Variants in SEMA5A observed in about 807,000 individuals in gnomAD.
SEMA5A encodes the protein semaphorin 5A.
SEMA5A carries 55 observed loss-of-function variants against 135.5 expected under a neutral mutation model. The ratio of observed to expected loss-of-function variants is 0.41; its 90% CI spans 0.33 to 0.51. The LOEUF (loss-of-function observed/expected upper bound fraction) is 0.51. SEMA5A is among the 20% of genes least tolerant of loss of function. The pLI is 0.37. For synonymous variants in SEMA5A, 580 were observed against 546.5 expected, an observed-to-expected ratio of 1.06 and a Z score of -0.85; for missense variants, 1,290 against 1,419.9, an observed-to-expected ratio of 0.91 and a Z score of 1.47.
intron 3 of SEMA5A, among the ~76,000 whole-genome samples, chr5:9,372,521 T>G (rs1371954918): frequency 6.6e-6 from 1 of 151,476 alleles, no homozygotes; most frequent in Non-Finnish European, 1.5e-5. Flanking sequence ...GGATGGGATA[T>G]GCATGGATAC....
intron 1 of SEMA5A, among the ~76,000 whole-genome samples, chr5:9,494,216 T>A (rs1286145382): frequency 6.6e-6 from 1 of 152,174 alleles, no homozygotes; most frequent in Non-Finnish European, 1.5e-5. Flanking sequence ...AAGGTGCCTA[T>A]CTCTGGGGGC....
chr5:9,070,646 C>G (rs1266216076), intron 16 of SEMA5A, among the ~76,000 whole-genome samples: 1 of 152,032 alleles, frequency 6.6e-6, no homozygotes, highest in African/African-American at 2.4e-5. Context: ...TGTGTTGGTC[C>G]CAGAGGTGGG....
At chr5:9,302,448 T>G (rs958689658) in intron 5 of SEMA5A, among the ~76,000 whole-genome samples, 2 of 152,192 alleles carry the variant, frequency 1.3e-5, no homozygotes, top group African/African-American at 4.8e-5. Context: ...AGCCATCACA[T>G]AAGCCAAACT....
At chr5:9,266,253 C>T (rs1749679068) in intron 5 of SEMA5A, among the ~76,000 whole-genome samples, 1 of 152,112 alleles carries the variant, frequency 6.6e-6, no homozygotes, top group Non-Finnish European at 1.5e-5. Flanking sequence ...ACACAAGATG[C>T]CAGAGTTATC....
At chr5:9,207,129 T>TATATATATATATATAC (rs1361697233) in intron 8 of SEMA5A, among the ~76,000 whole-genome samples, 3 of 132,666 alleles carry the variant, frequency 2.3e-5, no homozygotes, top group Admixed American at 1.5e-4. Context: ...TATATATATA[T>TATATATATATATATAC]ATATAAAGCT....
chr5:9,431,841 C>T (rs544224749), intron 2 of SEMA5A, among the ~76,000 whole-genome samples: 2 of 152,298 alleles, frequency 1.3e-5, no homozygotes, highest in Admixed American at 6.5e-5. Context: ...AAACAGCACA[C>T]GTCAATCCCT....
chr5:9,357,367 A>G (rs1172208851), intron 3 of SEMA5A, among the ~76,000 whole-genome samples: 4 of 152,232 alleles, frequency 2.6e-5, no homozygotes, highest in African/African-American at 4.8e-5. Flanking sequence ...GAGGAAGAAA[A>G]GTCAAGCTAA....
At chr5:9,258,398 G>A (rs770916171) in intron 5 of SEMA5A, among the ~76,000 whole-genome samples, 5 of 152,182 alleles carry the variant, frequency 3.3e-5, no homozygotes, top group South Asian at 2.1e-4. Context: ...CCAACCAGGC[G>A]TGCTGTCTTT....
intron 13 of SEMA5A, among the ~76,000 whole-genome samples, chr5:9,135,043 A>G (rs946410309): frequency 5.3e-5 from 8 of 152,138 alleles, no homozygotes; most frequent in African/African-American, 1.7e-4. Context: ...AGCTGTCCAG[A>G]GCCTAGATGT....
At chr5:9,084,269 C>T (rs536942857) in intron 16 of SEMA5A, among the ~76,000 whole-genome samples, 1 of 152,236 alleles carries the variant, frequency 6.6e-6, no homozygotes, top group African/African-American at 2.4e-5. Flanking sequence ...GGTGGCCTTC[C>T]CAGAACATGC....
intron 9 of SEMA5A, among the ~76,000 whole-genome samples, chr5:9,197,731 T>C (rs1391200866): frequency 3.0e-5 from 1 of 33,590 alleles, no homozygotes; most frequent in Admixed American, 4.2e-4. Context: ...AAGCTGTTTG[T>C]GTGTGTGTGT....
chr5:9,258,482 C>T (rs1749203863), intron 5 of SEMA5A, among the ~76,000 whole-genome samples: 1 of 152,172 alleles, frequency 6.6e-6, no homozygotes, highest in African/African-American at 2.4e-5. Context: ...GCCAAGGCCT[C>T]AATGCACTGG....
chr5:9,137,837 A>G (rs1304670810), intron 12 of SEMA5A, among the ~76,000 whole-genome samples: 1 of 152,228 alleles, frequency 6.6e-6, no homozygotes, highest in Non-Finnish European at 1.5e-5. Flanking sequence ...TATTAATCAT[A>G]TATAAAGCAG....
At chr5:9,162,450 ATATATATGTGTGTG>A (rs1461065194) in intron 11 of SEMA5A, among the ~76,000 whole-genome samples, 4 of 55,124 alleles carry the variant, frequency 7.3e-5, no homozygotes, top group Non-Finnish European at 7.8e-5. Flanking sequence ...GTGTATGTGT[ATATATATGTGTGTG>A]TATATATATG....
chr5:9,210,910 G>GT, intron 8 of SEMA5A, among the ~76,000 whole-genome samples: 1 of 152,258 alleles, frequency 6.6e-6, no homozygotes, highest in Middle Eastern at 3.4e-3. Context: ...ACTCCAATAA[G>GT]TACATGGACA....
chr5:9,190,135 C>A, intron 11 of SEMA5A, 132 bp downstream of exon 11: 1 of 825,704 alleles, frequency 1.2e-6, no homozygotes, highest in Non-Finnish European at 1.9e-6. Context: ...GTGAGCATCG[C>A]GGGTTTTGCT....
chr5:9,332,514 C>T (rs960172410), intron 4 of SEMA5A, among the ~76,000 whole-genome samples: 1 of 145,612 alleles, frequency 6.9e-6, no homozygotes, highest in Admixed American at 6.9e-5. Context: ...AGGCATGCAG[C>T]TATGGGCTGG....
chr5:9,472,616 G>A (rs1452275671), intron 1 of SEMA5A, among the ~76,000 whole-genome samples: 21 of 145,760 alleles, frequency 1.4e-4, no homozygotes, highest in Non-Finnish European at 1.5e-5. Context: ...AAGCAGTCAA[G>A]AAAACTGTAT....
In SEMA5A at chr5:9,041,538, C is replaced by T. The variant is rs967132097; in HGVS notation, c.*1359G>A. Reference sequence around the variant, plus strand: ...TGTTAGCACACTCTTAAATGCTTATCGATGATCAGTGAAGAGACCACAGGG... The same window carrying T: ...TGTTAGCACACTCTTAAATGCTTATTGATGATCAGTGAAGAGACCACAGGG... On this transcript the variant is annotated 3_prime_UTR_variant, in exon 23 of 23. Coordinates refer to ENST00000382496, the MANE Select transcript of SEMA5A (RefSeq NM_003966.3). The T allele has an allele frequency of 1.3e-5, 2 of 152,160 alleles. No individual in the cohort carries two copies. The highest frequency in any genetic ancestry group is 2.9e-5 in the Non-Finnish European group (2 of 68,044). The allele number at this position is 152,160 out of a possible 1,614,324, so 9.4% of individuals were successfully genotyped here. A position where few individuals can be genotyped will look rare whatever the true frequency, so the allele number is the denominator to read the frequency against.
Sources: allele counts gnomAD v4.1 joint callset (sites outside exome capture counted in the v4.1 genomes callset), GRCh38; gene constraint gnomAD v4.1.1; transcripts MANE v1.5; gene names NCBI Gene and HGNC (gene_info 2026-07-23, HGNC 2026-07-21).